The following MGRN1 variants were observed in gnomAD, a reference collection of about 807,000 sequenced individuals.
MGRN1 encodes the protein E3 ubiquitin-protein ligase MGRN1.
A neutral mutation model predicts 69.2 loss-of-function variants in MGRN1; 29 were observed. The observed-to-expected ratio is 0.42, with a 90% confidence interval of 0.31 to 0.57. MGRN1 has a LOEUF of 0.57. MGRN1 is among the 20% of genes least tolerant of loss of function. MGRN1 has a pLI of 0.15. For synonymous variants in MGRN1, 470 were observed against 344.2 expected, an observed-to-expected ratio of 1.37 and a Z score of -4.04; for missense variants, 998 against 796.2, an observed-to-expected ratio of 1.25 and a Z score of -3.05.
intron 11 of MGRN1, among the ~76,000 whole-genome samples, chr16:4,677,874 G>A (rs1178319129): frequency 2.0e-5 from 3 of 147,990 alleles, no homozygotes; most frequent in Non-Finnish European, 4.5e-5. Context: ...GCAGGGTCTC[G>A]GTCTGTCACC....
intron 1 of MGRN1, among the ~76,000 whole-genome samples, chr16:4,626,079 A>G (rs752715746): frequency 3.9e-5 from 6 of 152,118 alleles, no homozygotes; most frequent in African/African-American, 7.2e-5. Context: ...TTTTCAACCC[A>G]TTCCCCATGT....
In MGRN1 at chr16:4,671,273, G is replaced by A. The variant is rs749003581; in HGVS notation, c.727-118G>A. On this transcript the variant is annotated intron_variant, in intron 8 of 16. Transcript: ENST00000262370. ...TCTCCTGGCCCCCAGGGGTTGAGCTGGACTGACCCCTGGTATGGAAGCCTG... is the reference window on the plus strand; with the variant it reads ...TCTCCTGGCCCCCAGGGGTTGAGCTAGACTGACCCCTGGTATGGAAGCCTG... 9 of 957,650 alleles carry A rather than the reference G, an allele frequency of 9.4e-6. No homozygotes were observed. The African/African-American group carries it at 9.7e-5, about 10-fold the overall frequency. 59.3% of individuals were successfully genotyped at this position (957,650 alleles called of 1,614,324 possible). A position where few individuals can be genotyped will look rare whatever the true frequency, so the allele number is the denominator to read the frequency against.
chr16:4,671,407 A>T lies in MGRN1; in HGVS notation c.743A>T (p.Tyr248Phe). The change falls in exon 9 of 17, where the codon TAC becomes TTC. Residue 248 changes from tyrosine (Y) to phenylalanine (F), a missense_variant. Physicochemically the swap from Tyr to Phe is conservative, Grantham distance 22. Transcript: ENST00000262370. Reference protein sequence around the residue: ...KQKQIVDRVSYLLQEIYGIEN... With the variant: ...KQKQIVDRVSFLLQEIYGIEN... ...GCTCTCCAGGTGGACCGGGTCAGCT[A>T]CCTCCTGCAGGAGATCTATGGCATT... 1 of 1,613,954 alleles carries T rather than the reference A, an allele frequency of 6.2e-7. No individual in the cohort carries two copies. Among genetic ancestry groups the T allele is most frequent in the Non-Finnish European group, 8.5e-7 (1 of 1,179,940 alleles).
intron 4 of MGRN1, among the ~76,000 whole-genome samples, chr16:4,655,868 C>T (rs1237326446): frequency 1.3e-5 from 2 of 152,260 alleles, no homozygotes; most frequent in Admixed American, 1.3e-4. Flanking sequence ...GTGTCCAGGC[C>T]TCCGCATCTC....
intron 16 of MGRN1, chr16:4,687,289 C>T: frequency 2.5e-5 from 25 of 985,296 alleles, no homozygotes; most frequent in Non-Finnish European, 2.9e-5. Flanking sequence ...GTGGTTCGCA[C>T]CTATAAGCCC....
intron 2 of MGRN1, 53 bp from the exon 3 acceptor site, chr16:4,651,910 G>C: frequency 6.5e-7 from 1 of 1,546,862 alleles, no homozygotes; most frequent in South Asian, 1.1e-5. Context: ...CCCGTTTTCT[G>C]TTGTTGGCTG....
At chr16:4,673,816 G>C (rs113912879) in intron 10 of MGRN1, among the ~76,000 whole-genome samples, 159 bp downstream of exon 10, 1 of 152,236 alleles carries the variant, frequency 6.6e-6, no homozygotes, top group East Asian at 1.9e-4. Flanking sequence ...GTTGGCTGTC[G>C]GAGTCAGTCA....
intron 1 of MGRN1, among the ~76,000 whole-genome samples, chr16:4,628,398 AAAAAAG>A (rs1897809050): frequency 6.6e-6 from 1 of 151,952 alleles, no homozygotes. Context: ...AAAAAAAAAA[AAAAAAG>A]GAGGGGACAT....
intron 1 of MGRN1, among the ~76,000 whole-genome samples, chr16:4,632,017 T>G (rs1025853537): frequency 7.1e-6 from 1 of 141,364 alleles, no homozygotes; most frequent in Admixed American, 7.0e-5. Context: ...CTTTTTTTTT[T>G]TTTTTTTTTT....
intron 1 of MGRN1, among the ~76,000 whole-genome samples, chr16:4,643,450 A>G: frequency 7.2e-6 from 1 of 138,466 alleles, no homozygotes; most frequent in Admixed American, 7.5e-5. Context: ...CCTCACTGCA[A>G]CCTCCGCTTC....
At chr16:4,664,983 T>C (rs755468797) in intron 6 of MGRN1, 119 bp from the exon 7 acceptor site, 6 of 1,273,164 alleles carry the variant, frequency 4.7e-6, no homozygotes, top group African/African-American at 4.4e-5. Context: ...GGCTCAGGAC[T>C]CTATGGACTC....
chr16:4,678,653 A>T (rs2079108148), intron 11 of MGRN1, among the ~76,000 whole-genome samples: 1 of 152,190 alleles, frequency 6.6e-6, no homozygotes, highest in African/African-American at 2.4e-5. Context: ...GGGGAGTTGG[A>T]CAGTGACTGG....
intron 5 of MGRN1, among the ~76,000 whole-genome samples, chr16:4,660,294 G>C (rs548670474): frequency 6.6e-6 from 1 of 152,220 alleles, no homozygotes; most frequent in Non-Finnish European, 1.5e-5. Flanking sequence ...GCAGTCCCTC[G>C]CAGGGTGGCC....
chr16:4,683,839 G>C lies in MGRN1; in HGVS notation c.1529-4G>C. The C allele has an allele frequency of 6.2e-7, 1 of 1,612,432 alleles. No individual in the cohort carries two copies. Among genetic ancestry groups the C allele is most frequent in the African/African-American group, 1.3e-5 (1 of 75,040 alleles). The stretch of plus-strand genomic sequence containing the variant: ...AGGTCCCTAACCTCACCCTCTGCCT[G>C]CAGGGACCCGAGCAGCTTCCATTGA... On this transcript the variant is annotated splice_polypyrimidine_tract_variant and splice_region_variant and intron_variant, in intron 15 of 16. Transcript: ENST00000262370.
chr16:4,670,426 A>G lies in MGRN1; in HGVS notation c.727-965A>G, dbSNP rs772191907. Among the ~76,000 whole-genome samples, 10 of 152,168 alleles carry G rather than the reference A, an allele frequency of 6.6e-5. 1 individual carries two copies. The highest frequency in any genetic ancestry group is 8.8e-5 in the Non-Finnish European group (6 of 68,028). The stretch of plus-strand genomic sequence containing the variant: ...CCTGGCTAATTTTTGTATTTTTTGT[A>G]GAGATGAGGTTTTGCCATGTTGGCC... On this transcript the variant is annotated intron_variant, in intron 8 of 16. Transcript: ENST00000262370.
At position 4,682,848 on chromosome 16, in the gene MGRN1, A is replaced by G; in HGVS notation, c.1384A>G (p.Ile462Val). ...CACCCTACGGTCCCCGTCTTCCCCC[A>G]TCCACGAAGAGGATGAGGAGAAGCT... ...DSTLRSPSSP[I>V]HEEDEEKLSE... The change falls in exon 14 of 17, where the codon ATC becomes GTC. Residue 462 changes from isoleucine (I) to valine (V), a missense_variant. Physicochemically the swap from Ile to Val is conservative, Grantham distance 29. Transcript: ENST00000262370. 1 of 1,602,158 alleles carries G rather than the reference A, an allele frequency of 6.2e-7. No homozygotes were observed. The highest frequency in any genetic ancestry group is 8.5e-7 in the Non-Finnish European group (1 of 1,171,562).
Position 4,657,235 on chromosome 16 carries a change from G to A in MGRN1, c.444-11G>A. ...GCCGCAGCCTCACTGCTTGCTCCTG[G>A]CTCCCTGCAGATACAGCCCCAAGAG... On this transcript the variant is annotated splice_polypyrimidine_tract_variant and intron_variant, in intron 4 of 16. Coordinates refer to ENST00000262370, the MANE Select transcript of MGRN1 (RefSeq NM_015246.4). The A allele has an allele frequency of 6.2e-7, 1 of 1,611,864 alleles. No individual in the cohort carries two copies. The highest frequency in any genetic ancestry group is 1.1e-5 in the South Asian group (1 of 91,012).
intron 16 of MGRN1, among the ~76,000 whole-genome samples, chr16:4,685,948 C>G (rs114612115): frequency 1.7e-3 from 257 of 152,304 alleles, no homozygotes; most frequent in African/African-American, 5.9e-3. Context: ...CTCAGCCCCC[C>G]ACCCAGGGCC....
intron 5 of MGRN1, chr16:4,664,040 G>C (rs2078744282): frequency 6.5e-6 from 1 of 152,710 alleles, no homozygotes. Context: ...CACGCACCCG[G>C]GAGAACTGAA....
Sources: allele counts gnomAD v4.1 joint callset (sites outside exome capture counted in the v4.1 genomes callset), GRCh38; gene constraint gnomAD v4.1.1; transcripts MANE v1.5; gene names NCBI Gene and HGNC (gene_info 2026-07-23, HGNC 2026-07-21).